The following PPP2R5E variants were observed in gnomAD, a reference collection of about 807,000 sequenced individuals.
PPP2R5E encodes protein phosphatase 2 regulatory subunit B'epsilon.
PPP2R5E carries 4 observed loss-of-function variants against 65.3 expected under a neutral mutation model. The ratio of observed to expected loss-of-function variants is 0.06; its 90% confidence interval spans 0.03 to 0.14. PPP2R5E has a LOEUF of 0.14. PPP2R5E is among the 10% of genes least tolerant of loss of function. PPP2R5E has a pLI of 1.00. For synonymous variants in PPP2R5E, 183 were observed against 187.4 expected (o/e 0.98, Z 0.19); for missense variants, 274 against 556.1 (o/e 0.49, Z 5.10).
At chr14:63,478,674 G>A (rs558454187) in intron 2 of PPP2R5E, among the ~76,000 whole-genome samples, 1 of 152,124 alleles carries the variant, frequency 6.6e-6, no homozygotes, top group African/African-American at 2.4e-5. Flanking sequence ...AAGGTCTCAG[G>A]AACCTTTGGG....
chr14:63,443,528 T>C (rs775205649), intron 3 of PPP2R5E, among the ~76,000 whole-genome samples: 6 of 152,150 alleles, frequency 3.9e-5, no homozygotes, highest in Non-Finnish European at 7.3e-5. Flanking sequence ...TTTAATCTAC[T>C]CTTCAACCCA....
chr14:63,521,290 T>A (rs191660009), intron 2 of PPP2R5E, among the ~76,000 whole-genome samples: 1 of 152,382 alleles, frequency 6.6e-6, no homozygotes, highest in East Asian at 1.9e-4. Context: ...TAGAACTTCA[T>A]CTAAACTGTT....
chr14:63,492,686 G>C (rs1015972126), intron 2 of PPP2R5E, among the ~76,000 whole-genome samples: 2 of 152,172 alleles, frequency 1.3e-5, no homozygotes, highest in African/African-American at 4.8e-5. Flanking sequence ...AATAAGAAGA[G>C]TTATCATAGG....
In PPP2R5E at chr14:63,372,269, T is replaced by C. The variant is rs1883729102; in HGVS notation, c.*3740A>G. The C allele has an allele frequency of 2.0e-5, 3 of 152,162 alleles. No homozygotes were observed. The South Asian group carries it at 6.2e-4, about 32-fold the overall frequency. 9.4% of individuals were successfully genotyped at this position (152,162 alleles called of 1,614,324 possible). A position where few individuals can be genotyped will look rare whatever the true frequency, so the allele number is the denominator to read the frequency against. ...CAATTTGCTCAACTTTCTCTCAAGA[T>C]GCACAATCCTTCTTTTAGGTTTTCA... On this transcript the variant is annotated 3_prime_UTR_variant, in exon 14 of 14. Coordinates refer to ENST00000337537, the MANE Select transcript of PPP2R5E (RefSeq NM_006246.5).
intron 5 of PPP2R5E, among the ~76,000 whole-genome samples, chr14:63,406,514 A>G (rs1886102600): frequency 6.6e-6 from 1 of 152,126 alleles, no homozygotes; most frequent in Non-Finnish European, 1.5e-5. Context: ...ATCTAGCAAT[A>G]CTTGGCTCAC....
In PPP2R5E at chr14:63,530,231, T is replaced by G. The variant is rs914670670; in HGVS notation, c.157+9298A>C. Among the ~76,000 whole-genome samples the G allele has an allele frequency of 6.2e-3, 891 of 144,458 alleles. 45 individuals carry two copies. The East Asian group carries it at 0.13, about 22-fold the overall frequency. 94.8% of individuals were successfully genotyped at this position (144,458 alleles called of 152,430 possible). On this transcript the variant is annotated intron_variant, in intron 2 of 13. Transcript: ENST00000337537. ...CTAAGTTAAGAAATTTTTCCGTTTT[T>G]TTTTTTTTTTTTTTTTTTGAGACGG...
At chr14:63,461,415 C>T (rs1289383996) in intron 2 of PPP2R5E, among the ~76,000 whole-genome samples, 1 of 151,652 alleles carries the variant, frequency 6.6e-6, no homozygotes, top group African/African-American at 2.4e-5. Flanking sequence ...TTTATTTTCA[C>T]TATAATTTCA....
At chr14:63,503,703 G>GA (rs1466191851) in intron 2 of PPP2R5E, among the ~76,000 whole-genome samples, 1 of 152,122 alleles carries the variant, frequency 6.6e-6, no homozygotes, top group Non-Finnish European at 1.5e-5. Context: ...ATAGTTTAAT[G>GA]AATTTCACAT....
intron 5 of PPP2R5E, among the ~76,000 whole-genome samples, chr14:63,406,187 A>G (rs1161946463): frequency 4.6e-5 from 7 of 152,060 alleles, no homozygotes; most frequent in Admixed American, 4.6e-4. Context: ...CGAGGCGGGC[A>G]GATCACGAGG....
At chr14:63,418,705 C>A (rs1886836256) in intron 4 of PPP2R5E, among the ~76,000 whole-genome samples, 1 of 151,960 alleles carries the variant, frequency 6.6e-6, no homozygotes, top group East Asian at 1.9e-4. Context: ...AAACAAGATA[C>A]TATTTTGGAT....
chr14:63,523,572 G>C (rs992114679), intron 2 of PPP2R5E, among the ~76,000 whole-genome samples: 1 of 148,584 alleles, frequency 6.7e-6, no homozygotes, highest in Admixed American at 6.6e-5. Flanking sequence ...CAAACACTGC[G>C]GAAGGCCGCA....
chr14:63,483,980 G>A lies in PPP2R5E; in HGVS notation c.158-30095C>T, dbSNP rs146958215. Among the ~76,000 whole-genome samples the A allele has an allele frequency of 5.9e-3, 893 of 151,860 alleles. 10 individuals are homozygous for A. The highest frequency in any genetic ancestry group is 0.02 in the African/African-American group (842 of 41,396). ...CGCCTATAGTCCCAGCTACTCAGGG[G>A]GGCTGAGGCAGGAGAATCGCTTGAA... On this transcript the variant is annotated intron_variant, in intron 2 of 13. Transcript: ENST00000337537.
At chr14:63,387,718 G>GA (rs1884755216) in intron 11 of PPP2R5E, among the ~76,000 whole-genome samples, 1 of 151,632 alleles carries the variant, frequency 6.6e-6, no homozygotes, top group African/African-American at 2.4e-5. Context: ...CAATTCATAT[G>GA]TTGAAGTCCT....
At chr14:63,387,936 G>A (rs1291520119) in intron 11 of PPP2R5E, among the ~76,000 whole-genome samples, 1 of 152,178 alleles carries the variant, frequency 6.6e-6, no homozygotes, top group Non-Finnish European at 1.5e-5. Context: ...CAGAAAGCAG[G>A]ATCTCACCAG....
chr14:63,432,330 G>T (rs1370035067), intron 3 of PPP2R5E, among the ~76,000 whole-genome samples: 1 of 152,182 alleles, frequency 6.6e-6, no homozygotes. Flanking sequence ...TTGTTATGAT[G>T]AATTGGTATA....
At chr14:63,445,773 C>T (rs1278511818) in intron 3 of PPP2R5E, among the ~76,000 whole-genome samples, 4 of 150,840 alleles carry the variant, frequency 2.7e-5, no homozygotes, top group Admixed American at 1.3e-4. Flanking sequence ...ACCCAGGAGG[C>T]GGAGGTTGCA....
At chr14:63,511,044 T>C (rs1318043072) in intron 2 of PPP2R5E, among the ~76,000 whole-genome samples, 2 of 152,192 alleles carry the variant, frequency 1.3e-5, no homozygotes, top group African/African-American at 2.4e-5. Context: ...TTATGGCAGA[T>C]TGCAGAAATG....
chr14:63,406,908 T>G (rs147573049), intron 5 of PPP2R5E, among the ~76,000 whole-genome samples: 255 of 152,326 alleles, frequency 1.7e-3, no homozygotes, highest in African/African-American at 6.0e-3. Flanking sequence ...ATTCATAACA[T>G]GCTAGGTAAG....
chr14:63,412,984 G>C (rs1007327056), intron 5 of PPP2R5E, among the ~76,000 whole-genome samples: 2 of 152,050 alleles, frequency 1.3e-5, no homozygotes, highest in East Asian at 3.9e-4. Context: ...AAAGACAAAG[G>C]GTACAAGGCA....
Sources: allele counts gnomAD v4.1 joint callset (sites outside exome capture counted in the v4.1 genomes callset), GRCh38; gene constraint gnomAD v4.1.1; transcripts MANE v1.5; gene names NCBI Gene and HGNC (gene_info 2026-07-23, HGNC 2026-07-21).